Variants in HDHD5 observed in about 807,000 individuals in gnomAD.
The protein encoded by HDHD5 is haloacid dehalogenase like hydrolase domain containing 5.
A neutral mutation model predicts 35.5 loss-of-function variants in HDHD5; 34 were observed. The observed-to-expected ratio is 0.96, with a 90% CI of 0.73 to 1.28. The LOEUF is 1.28. Ranked by LOEUF, HDHD5 falls within the 50% of genes most tolerant of loss-of-function variation. The pLI, the probability that HDHD5 is intolerant of heterozygous loss-of-function variation, is 0.00. For synonymous variants in HDHD5, 248 were observed against 240.6 expected, an observed-to-expected ratio of 1.03 and a Z score of -0.29; for missense variants, 589 against 560.2, an observed-to-expected ratio of 1.05 and a Z score of -0.52.
upstream of HDHD5, among the ~76,000 whole-genome samples, chr22:17,163,010 C>T (rs113399928): frequency 1.3e-5 from 2 of 152,198 alleles, no homozygotes; most frequent in Admixed American, 6.5e-5. Flanking sequence ...GATGTTCTTT[C>T]GTATTCAGGT....
At chr22:17,140,851 T>A (rs2061591679) in intron 6 of HDHD5, among the ~76,000 whole-genome samples, 2 of 152,156 alleles carry the variant, frequency 1.3e-5, no homozygotes, top group Admixed American at 1.3e-4. Context: ...TCAGACTCCA[T>A]AATCTGTAGT....
At chr22:17,138,821 CAA>C in intron 6 of HDHD5, 83 bp from the exon 7 acceptor site, 1 of 1,491,948 alleles carries the variant, frequency 6.7e-7, no homozygotes, top group Non-Finnish European at 9.2e-7. Flanking sequence ...GTCTAAGCAG[CAA>C]ACACACAGAC....
intron 6 of HDHD5, among the ~76,000 whole-genome samples, chr22:17,140,388 T>C (rs1329019288): frequency 9.2e-5 from 14 of 152,086 alleles, no homozygotes; most frequent in Admixed American, 8.5e-4. Context: ...GAAAGCCACT[T>C]ATCTGCTGGG....
intron 5 of HDHD5, chr22:17,142,619 A>G (rs2061611932): frequency 6.5e-6 from 1 of 152,812 alleles, no homozygotes; most frequent in African/African-American, 2.4e-5. Context: ...TACTTCTTGG[A>G]TAACTACTAC....
intron 5 of HDHD5, chr22:17,141,571 A>G: frequency 8.9e-7 from 1 of 1,118,332 alleles, no homozygotes; most frequent in Non-Finnish European, 1.1e-6. Flanking sequence ...CACATGACTT[A>G]GCAAGGGCTC....
In HDHD5 at chr22:17,148,574, C is replaced by T; in HGVS notation, c.331-14G>A. On this transcript the variant is annotated splice_polypyrimidine_tract_variant and intron_variant, in intron 2 of 7. Transcript: ENST00000336737. The stretch of plus-strand genomic sequence containing the variant: ...GTCTGCATCCACCTGTAGGGACAGC[C>T]AAGACAGGGGAGGGCAGAGGAAGAC... 6.3e-7 allele frequency: 1 copy of T among 1,587,136 alleles called. No homozygotes were observed. The highest frequency in any genetic ancestry group is 1.7e-4 in the Middle Eastern group (1 of 6,016).
At chr22:17,153,294 T>C (rs1050506981) in intron 1 of HDHD5, among the ~76,000 whole-genome samples, 3 of 152,134 alleles carry the variant, frequency 2.0e-5, no homozygotes, top group African/African-American at 4.8e-5. Context: ...ACTGGACAAA[T>C]AAGGCATCAA....
At position 17,140,419 on chromosome 22, in the gene HDHD5, C is replaced by CATA. The variant is rs570918807; in HGVS notation, c.746+639_746+640insTAT. ...CTGGGTCTCAGTTCTCTGGTCTATA[C>CATA]GACTATCAGAACAATCCTTGGCCGG... is the stretch of plus-strand genomic sequence containing the variant. On this transcript the variant is annotated intron_variant, in intron 6 of 7. Coordinates refer to ENST00000336737, the MANE Select transcript of HDHD5 (RefSeq NM_033070.3). Among the ~76,000 whole-genome samples the CATA allele has an allele frequency of 1.1e-3, 161 of 152,208 alleles. 1 individual carries two copies. Among genetic ancestry groups the CATA allele is most frequent in the Middle Eastern group, 3.4e-3 (1 of 294 alleles).
At chr22:17,149,503 C>A in intron 2 of HDHD5, 39 bp downstream of exon 2, 1 of 1,596,312 alleles carries the variant, frequency 6.3e-7, no homozygotes, top group South Asian at 1.1e-5. Context: ...CATTAGGAAC[C>A]AGGTCCTTGG....
At chr22:17,161,520 A>G (rs1378010901), upstream of HDHD5, among the ~76,000 whole-genome samples, 1 of 151,522 alleles carries the variant, frequency 6.6e-6, no homozygotes, top group Non-Finnish European at 1.5e-5. Flanking sequence ...GCTGAGATTG[A>G]GCCACTGCAC....
intron 1 of HDHD5, among the ~76,000 whole-genome samples, chr22:17,156,260 A>T: frequency 6.6e-6 from 1 of 152,152 alleles, no homozygotes; most frequent in Non-Finnish European, 1.5e-5. Flanking sequence ...ACCCGACCTT[A>T]TGTAGGCCTG....
In HDHD5 at chr22:17,148,477, T is replaced by G; in HGVS notation, c.414A>C (p.Gly138=). Reference sequence around the variant, plus strand: ...GGGCATTTTCCATCACGGGCCCCTGTCCAGACACCAGCATCCGCTTCTCAT... The same window carrying G: ...GGGCATTTTCCATCACGGGCCCCTGGCCAGACACCAGCATCCGCTTCTCAT... ...EYHEKRMLVS[G]QGPVMENAQG... is the part of the protein sequence containing the mutation. The change falls in exon 3 of 8, where the codon GGA becomes GGC. Residue 138 remains glycine (G), a synonymous_variant. Coordinates refer to ENST00000336737, the MANE Select transcript of HDHD5 (RefSeq NM_033070.3). The G allele has an allele frequency of 6.2e-7, 1 of 1,614,148 alleles. No individual in the cohort carries two copies. The highest frequency in any genetic ancestry group is 1.1e-5 in the South Asian group (1 of 91,078).
intron 1 of HDHD5, among the ~76,000 whole-genome samples, chr22:17,151,455 T>C (rs2061723613): frequency 6.6e-6 from 1 of 151,950 alleles, no homozygotes; most frequent in African/African-American, 2.4e-5. Context: ...ACAGGCCAGG[T>C]GTGGTGGCTC....
chr22:17,145,001 G>A (rs749584297), intron 4 of HDHD5, 23 bp downstream of exon 4: 1 of 1,613,298 alleles, frequency 6.2e-7, no homozygotes, highest in Non-Finnish European at 8.5e-7. Context: ...TGAAGACACA[G>A]CCCAACCCAT....
chr22:17,149,980 C>A (rs939030748), intron 1 of HDHD5, among the ~76,000 whole-genome samples: 1 of 152,092 alleles, frequency 6.6e-6, no homozygotes, highest in African/African-American at 2.4e-5. Context: ...AGAGTCTTCC[C>A]GTTGCCCAGA....
chr22:17,163,907 A>G (rs2061877259), upstream of HDHD5, among the ~76,000 whole-genome samples: 3 of 152,202 alleles, frequency 2.0e-5, no homozygotes, highest in South Asian at 2.1e-4. Context: ...GATGCCTTGC[A>G]CATGATGGGT....
intron 3 of HDHD5, among the ~76,000 whole-genome samples, chr22:17,147,405 CCCA>C (rs1568944434): frequency 8.1e-6 from 1 of 123,620 alleles, no homozygotes. Flanking sequence ...TCGCACACGC[CCCA>C]CACCTGCGAC....
chr22:17,139,507 A>G (rs1254300967), intron 6 of HDHD5, among the ~76,000 whole-genome samples: 6 of 150,908 alleles, frequency 4.0e-5, no homozygotes, highest in Non-Finnish European at 8.9e-5. Context: ...CAGCCTGGGC[A>G]AAAGAGCAAG....
chr22:17,157,439 T>C (rs2061811448), intron 1 of HDHD5, among the ~76,000 whole-genome samples: 1 of 152,038 alleles, frequency 6.6e-6, no homozygotes, highest in Non-Finnish European at 1.5e-5. Flanking sequence ...ATGGGGAAAC[T>C]GAGCTTGGAA....
Sources: allele counts gnomAD v4.1 joint callset (sites outside exome capture counted in the v4.1 genomes callset), GRCh38; gene constraint gnomAD v4.1.1; transcripts MANE v1.5; gene names NCBI Gene and HGNC (gene_info 2026-07-23, HGNC 2026-07-21).